The following SCML4 variants were observed in gnomAD, a reference collection of about 807,000 sequenced individuals.
SCML4 encodes Scm polycomb group protein like 4, also known as sex comb on midleg-like protein 4.
In SCML4, 34 loss-of-function variants were observed where a neutral mutation model predicts 41.1. The observed-to-expected ratio is 0.83, with a 90% CI of 0.63 to 1.10. SCML4 has a LOEUF of 1.10. Ranked by LOEUF, SCML4 falls within the 50% of genes least tolerant of loss-of-function variation. The probability of loss-of-function intolerance (pLI) is 0.00; values close to 1 mark genes in which losing one functional copy is unlikely to be tolerated. For synonymous variants in SCML4, 214 were observed against 220.9 expected (o/e 0.97, Z 0.28); for missense variants, 522 against 534.1 (o/e 0.98, Z 0.22).
intron 6 of SCML4, chr6:107,719,825 A>C (rs780275216): frequency 4.9e-5 from 44 of 898,438 alleles, no homozygotes; most frequent in Admixed American, 6.2e-5. Context: ...CCAGCATCTC[A>C]GCCCAGGCTG....
chr6:107,782,365 TAGA>T (rs201911498), intron 1 of SCML4, among the ~76,000 whole-genome samples: 6,997 of 152,194 alleles, frequency 0.046, 244 homozygotes, highest in Non-Finnish European at 0.069. Context: ...GGCTGCTCCT[TAGA>T]AGGTGAGCTC....
At chr6:107,845,205 C>T in the SCML4 span, among the ~76,000 whole-genome samples, 1 of 152,126 alleles carries the variant, frequency 6.6e-6, no homozygotes, top group Non-Finnish European at 1.5e-5. Flanking sequence ...CACTGCACTC[C>T]AGCCCGGGCG....
At chr6:107,809,794 G>T (rs1312618610) in intron 1 of SCML4, among the ~76,000 whole-genome samples, 2 of 152,124 alleles carry the variant, frequency 1.3e-5, no homozygotes, top group Non-Finnish European at 2.9e-5. Context: ...CCAGAACGCA[G>T]GTAGCCTAGT....
the SCML4 span, among the ~76,000 whole-genome samples, chr6:107,833,759 A>G: frequency 6.6e-6 from 1 of 152,144 alleles, no homozygotes; most frequent in Non-Finnish European, 1.5e-5. Flanking sequence ...TTAGAAAAAA[A>G]TTTTTTACAA....
chr6:107,737,313 T>A (rs936281027), intron 5 of SCML4, among the ~76,000 whole-genome samples: 1 of 152,186 alleles, frequency 6.6e-6, no homozygotes, highest in Non-Finnish European at 1.5e-5. Flanking sequence ...ATGCTTCAGG[T>A]GCTTGCTGGC....
chr6:107,708,436 G>A (rs1448644884), intron 6 of SCML4, among the ~76,000 whole-genome samples: 12 of 152,290 alleles, frequency 7.9e-5, no homozygotes, highest in East Asian at 3.9e-4. Flanking sequence ...GCCTCATCGC[G>A]TCAGTGAGGC....
rs1375934297 is a variant in SCML4 at position 107,745,058 on chromosome 6, C to G, written c.573G>C (p.Lys191Asn). ...CATCGCACAGGAGGCTTCGGCACAG[C>G]TTGGCGAGGAAGCGGAGGACATAGC... is the stretch of plus-strand genomic sequence containing the variant. ...SIGYVLRFLA[K>N]LCRSLLCDDL... The change falls in exon 5 of 8, where the codon AAG becomes AAC. Residue 191 changes from lysine to asparagine, a missense_variant. Transcript: ENST00000369020. 1.9e-6 allele frequency: 3 copies of G among 1,614,086 alleles called. No individual in the cohort carries two copies. The South Asian group carries it at 3.3e-5, about 18-fold the overall frequency.
At chr6:107,806,588 G>A (rs942670187) in intron 1 of SCML4, among the ~76,000 whole-genome samples, 1 of 152,214 alleles carries the variant, frequency 6.6e-6, no homozygotes, top group African/African-American at 2.4e-5. Context: ...GGGCCTTCCA[G>A]GACTTAGCAT....
intron 5 of SCML4, among the ~76,000 whole-genome samples, chr6:107,733,659 G>A (rs2114457348): frequency 6.6e-6 from 1 of 152,294 alleles, no homozygotes; most frequent in East Asian, 1.9e-4. Flanking sequence ...AACCAGAAGG[G>A]GTCTCTAATA....
At chr6:107,808,685 C>T (rs1479163362) in intron 1 of SCML4, among the ~76,000 whole-genome samples, 1 of 152,126 alleles carries the variant, frequency 6.6e-6, no homozygotes, top group Admixed American at 6.5e-5. Flanking sequence ...TGAGAATGTT[C>T]AGGGAAGGGC....
intron 5 of SCML4, among the ~76,000 whole-genome samples, chr6:107,734,320 T>A (rs921578088): frequency 6.6e-6 from 1 of 152,230 alleles, no homozygotes; most frequent in African/African-American, 2.4e-5. Context: ...ACAGTTACTT[T>A]CTACCAAAAT....
At chr6:107,765,841 A>T (rs1207187860) in intron 2 of SCML4, among the ~76,000 whole-genome samples, 1 of 152,252 alleles carries the variant, frequency 6.6e-6, no homozygotes, top group African/African-American at 2.4e-5. Context: ...AATCTGGGAA[A>T]TGCTGTGAAT....
intron 7 of SCML4, among the ~76,000 whole-genome samples, chr6:107,705,747 A>G (rs1165564198): frequency 3.9e-5 from 6 of 152,158 alleles, no homozygotes; most frequent in Admixed American, 3.9e-4. Context: ...ATTTCTTAGT[A>G]GGCCCACCTA....
At chr6:107,842,944 T>C in the SCML4 span, among the ~76,000 whole-genome samples, 1 of 152,182 alleles carries the variant, frequency 6.6e-6, no homozygotes, top group Non-Finnish European at 1.5e-5. Context: ...TTGTCAGATA[T>C]TAATATTATA....
chr6:107,724,300 C>A (rs1775735578), intron 5 of SCML4, among the ~76,000 whole-genome samples: 1 of 152,076 alleles, frequency 6.6e-6, no homozygotes, highest in Non-Finnish European at 1.5e-5. Flanking sequence ...ACTAGAGGTT[C>A]CAGCCAGTGC....
chr6:107,776,443 A>AGAAG (rs1780954713), intron 1 of SCML4, among the ~76,000 whole-genome samples: 1 of 152,178 alleles, frequency 6.6e-6, no homozygotes, highest in Admixed American at 6.5e-5. Context: ...CAAGCAGGAA[A>AGAAG]GAAGGAAGGA....
intron 1 of SCML4, among the ~76,000 whole-genome samples, chr6:107,806,183 A>AT (rs1316950167): frequency 1.3e-4 from 2 of 14,970 alleles, no homozygotes; most frequent in African/African-American, 1.7e-4. Context: ...CAAAACAGAG[A>AT]TTTCCCCCCC....
At chr6:107,739,743 A>G (rs939570086) in intron 5 of SCML4, among the ~76,000 whole-genome samples, 1 of 152,224 alleles carries the variant, frequency 6.6e-6, no homozygotes, top group Non-Finnish European at 1.5e-5. Flanking sequence ...ATCCTCTAAC[A>G]TACTGGTAAC....
chr6:107,746,665 C>T, intron 4 of SCML4, 24 bp downstream of exon 4: 1 of 1,605,474 alleles, frequency 6.2e-7, no homozygotes, highest in East Asian at 2.2e-5. Context: ...ATGGCCTCCT[C>T]ATGCAACCTG....
Sources: gnomAD v4.1 joint callset for allele counts (sites outside exome capture counted in the v4.1 genomes callset) on GRCh38, gnomAD v4.1.1 for gene constraint, MANE v1.5 for transcripts, NCBI Gene and HGNC (gene_info 2026-07-23, HGNC 2026-07-21) for gene names.